The following CTDSPL2 variants were observed in gnomAD, a reference collection of about 807,000 sequenced individuals.
CTDSPL2 encodes the protein CTD small phosphatase like 2, also known as CTD small phosphatase-like protein 2.
A neutral mutation model predicts 60.0 loss-of-function variants in CTDSPL2; 5 were observed. The observed-to-expected ratio is 0.08, with a 90% CI of 0.04 to 0.18. The LOEUF (loss-of-function observed/expected upper bound fraction) is 0.18, where lower values mean the gene tolerates loss of function less well. Ranked by LOEUF, CTDSPL2 falls within the 10% of genes least tolerant of loss-of-function variation. CTDSPL2 has a pLI of 1.00. For synonymous variants in CTDSPL2, 186 were observed against 189.3 expected (o/e 0.98, Z 0.14); for missense variants, 370 against 548.8 (o/e 0.67, Z 3.26).
At chr15:44,455,220 CTG>C (rs1428751417) in intron 1 of CTDSPL2, among the ~76,000 whole-genome samples, 1 of 151,252 alleles carries the variant, frequency 6.6e-6, no homozygotes, top group Non-Finnish European at 1.5e-5. Context: ...ATTTGGCTCT[CTG>C]TCTGTTATTG....
chr15:44,440,154 T>C (rs961262207), intron 1 of CTDSPL2, among the ~76,000 whole-genome samples: 1 of 152,100 alleles, frequency 6.6e-6, no homozygotes, highest in Admixed American at 6.6e-5. Context: ...TCTAAATTAT[T>C]GAGTGTACAG....
chr15:44,479,207 T>C (rs1260815469), intron 2 of CTDSPL2, among the ~76,000 whole-genome samples: 1 of 152,078 alleles, frequency 6.6e-6, no homozygotes, highest in East Asian at 1.9e-4. Flanking sequence ...GGCAACTTAG[T>C]GAAACCCTGG....
At chr15:44,500,436 C>A (rs935947160) in intron 8 of CTDSPL2, among the ~76,000 whole-genome samples, 9 of 152,066 alleles carry the variant, frequency 5.9e-5, no homozygotes, top group Admixed American at 5.2e-4. Flanking sequence ...TAAGGTTTTT[C>A]CATTATTATA....
chr15:44,451,629 A>G (rs2080336349), intron 1 of CTDSPL2, among the ~76,000 whole-genome samples: 2 of 152,028 alleles, frequency 1.3e-5, no homozygotes, highest in South Asian at 2.1e-4. Flanking sequence ...TACTGTTTCT[A>G]TCATGTCTTA....
chr15:44,494,485 A>G (rs1177156701), intron 5 of CTDSPL2, among the ~76,000 whole-genome samples: 1 of 151,984 alleles, frequency 6.6e-6, no homozygotes, highest in Non-Finnish European at 1.5e-5. Context: ...GTGGTGGTAC[A>G]TCTGTAGTCC....
At chr15:44,496,293 G>T in intron 5 of CTDSPL2, 87 bp from the exon 6 acceptor site, 1 of 909,648 alleles carries the variant, frequency 1.1e-6, no homozygotes, top group East Asian at 2.5e-5. Flanking sequence ...CAAGGCTTTA[G>T]GAAGATCTTA....
intron 2 of CTDSPL2, among the ~76,000 whole-genome samples, chr15:44,479,609 G>T (rs562389487): frequency 2.0e-4 from 30 of 151,870 alleles, no homozygotes; most frequent in African/African-American, 7.0e-4. Context: ...GGATCTTGCT[G>T]TGTTGCCCAA....
intron 1 of CTDSPL2, among the ~76,000 whole-genome samples, chr15:44,435,646 A>C (rs1200604334): frequency 1.4e-5 from 2 of 138,464 alleles, no homozygotes; most frequent in Non-Finnish European, 3.1e-5. Context: ...TCGCTCTGTC[A>C]CCCAATCTGG....
At chr15:44,521,652 T>C (rs537240955) in intron 12 of CTDSPL2, among the ~76,000 whole-genome samples, 2 of 152,044 alleles carry the variant, frequency 1.3e-5, no homozygotes, top group East Asian at 1.9e-4. Context: ...TAAAACATAA[T>C]GATGGGCCGG....
chr15:44,512,121 C>T (rs542671972), intron 8 of CTDSPL2, among the ~76,000 whole-genome samples: 5 of 151,692 alleles, frequency 3.3e-5, no homozygotes, highest in South Asian at 4.2e-4. Flanking sequence ...CACTTCAGCC[C>T]GGGAGGTCGA....
chr15:44,455,736 T>C (rs2140682023), intron 1 of CTDSPL2, among the ~76,000 whole-genome samples: 1 of 152,268 alleles, frequency 6.6e-6, no homozygotes, highest in East Asian at 1.9e-4. Flanking sequence ...TTGATTTGCG[T>C]ATGTTGAACC....
At chr15:44,447,233 G>A (rs1407904736) in intron 1 of CTDSPL2, among the ~76,000 whole-genome samples, 2 of 152,166 alleles carry the variant, frequency 1.3e-5, no homozygotes, top group Admixed American at 6.5e-5. Context: ...ACAGTGCCTT[G>A]CACATAGGAA....
chr15:44,517,598 T>C (rs2081680424), intron 10 of CTDSPL2: 1 of 152,244 alleles, frequency 6.6e-6, no homozygotes. Context: ...AAATAGTTTT[T>C]TTCTAAAAAT....
chr15:44,487,313 G>A (rs1001770064), intron 4 of CTDSPL2, among the ~76,000 whole-genome samples: 7 of 151,932 alleles, frequency 4.6e-5, no homozygotes, highest in African/African-American at 1.7e-4. Flanking sequence ...AAATTATTTG[G>A]GCGTGGTAGT....
At chr15:44,523,387 T>TATA (rs2081817430) in intron 12 of CTDSPL2, among the ~76,000 whole-genome samples, 3 of 129,018 alleles carry the variant, frequency 2.3e-5, no homozygotes, top group East Asian at 4.5e-4. Flanking sequence ...AGACCTCATC[T>TATA]CTACATACAT....
rs1313996355 is a variant in CTDSPL2, at chr15:44,525,074, G to A, written c.*900G>A. On this transcript the variant is annotated 3_prime_UTR_variant, in exon 13 of 13. Transcript: ENST00000260327. ...CTTCACTGTGCTCACAAATCTTTGA[G>A]GAGAAAGTTTGGTCACCTGTTTGGC... is the stretch of plus-strand genomic sequence containing the variant. 4.2e-6 allele frequency: 1 copy of A among 235,832 alleles called. No individual in the cohort carries two copies. Among genetic ancestry groups the A allele is most frequent in the East Asian group, 8.1e-5 (1 of 12,328 alleles). 14.6% of individuals were successfully genotyped at this position (235,832 alleles called of 1,614,324 possible). A position where few individuals can be genotyped will look rare whatever the true frequency, so the allele number is the denominator to read the frequency against.
chr15:44,428,289 T>G (rs890453762), intron 1 of CTDSPL2, among the ~76,000 whole-genome samples: 4 of 152,222 alleles, frequency 2.6e-5, no homozygotes, highest in African/African-American at 9.7e-5. Context: ...AATCTCGAGT[T>G]GACATTGTTA....
At chr15:44,514,523 A>G in intron 8 of CTDSPL2, 75 bp from the exon 9 acceptor site, 2 of 880,584 alleles carry the variant, frequency 2.3e-6, no homozygotes, top group South Asian at 1.4e-5. Context: ...CAAAGTTAGA[A>G]TACAGCACAT....
At chr15:44,458,116 T>C (rs749627722) in intron 1 of CTDSPL2, among the ~76,000 whole-genome samples, 18 of 152,354 alleles carry the variant, frequency 1.2e-4, no homozygotes, top group Middle Eastern at 3.4e-3. Context: ...TAGCCTTTAC[T>C]AGTCCTTTTT....
Sources: gnomAD v4.1 joint callset for allele counts (sites outside exome capture counted in the v4.1 genomes callset) on GRCh38, gnomAD v4.1.1 for gene constraint, MANE v1.5 for transcripts, NCBI Gene and HGNC (gene_info 2026-07-23, HGNC 2026-07-21) for gene names.